The following CNTLN variants were observed in gnomAD, a reference collection of about 807,000 sequenced individuals.
CNTLN encodes centlein, centrosomal protein.
In CNTLN, 212 loss-of-function variants were observed where a neutral mutation model predicts 180.0. The ratio of observed to expected loss-of-function variants is 1.18; its 90% CI spans 1.05 to 1.32. CNTLN has a LOEUF of 1.32. Ranked by LOEUF, CNTLN falls within the 40% of genes most tolerant of loss-of-function variation. The pLI, the probability that CNTLN is intolerant of heterozygous loss-of-function variation, is 0.00. For missense variants in CNTLN, 2,095 were observed against 1,610.9 expected, an observed-to-expected ratio of 1.30 and a Z score of -5.14; for synonymous variants, 722 against 563.1, an observed-to-expected ratio of 1.28 and a Z score of -3.99.
At chr9:17,156,077 C>A (rs940492043) in intron 2 of CNTLN, among the ~76,000 whole-genome samples, 1 of 152,162 alleles carries the variant, frequency 6.6e-6, no homozygotes, top group East Asian at 1.9e-4. Flanking sequence ...TTCAGCGAGT[C>A]CCAATGAGAT....
intron 15 of CNTLN, among the ~76,000 whole-genome samples, chr9:17,400,827 T>A (rs528125828): frequency 4.3e-4 from 66 of 152,262 alleles, no homozygotes; most frequent in African/African-American, 1.4e-3. Flanking sequence ...ATATGAAAAA[T>A]TCTGCAATCA....
downstream of CNTLN, among the ~76,000 whole-genome samples, chr9:17,505,650 G>A (rs1165446961): frequency 6.6e-6 from 1 of 152,022 alleles, no homozygotes; most frequent in African/African-American, 2.4e-5. Context: ...TAATAAATTA[G>A]GAGACATAGT....
chr9:17,155,209 C>T lies in CNTLN; in HGVS notation c.449+11833C>T, dbSNP rs200176731. ...TCTTTAAGAACTGTAACACTCACCG[C>T]GAGGGTCCGCAGCTTCATTCGTGAA... On this transcript the variant is annotated intron_variant, in intron 2 of 25. Coordinates refer to ENST00000380647, the MANE Select transcript of CNTLN (RefSeq NM_017738.4). 2.3e-4 allele frequency among the ~76,000 whole-genome samples: 35 copies of T among 152,296 alleles called. No homozygotes were observed. The East Asian group carries it at 6.2e-3, about 27-fold the overall frequency.
intron 13 of CNTLN, among the ~76,000 whole-genome samples, chr9:17,375,843 C>G (rs1824716139): frequency 6.6e-6 from 1 of 152,106 alleles, no homozygotes; most frequent in South Asian, 2.1e-4. Flanking sequence ...AGGATTATCT[C>G]TTTATTAAAG....
At chr9:17,425,490 T>C (rs1450385346) in intron 18 of CNTLN, among the ~76,000 whole-genome samples, 1 of 152,218 alleles carries the variant, frequency 6.6e-6, no homozygotes, top group Non-Finnish European at 1.5e-5. Context: ...ATTTCTGTTC[T>C]TTTAGCAACC....
At chr9:17,394,449 T>C in intron 14 of CNTLN, 85 bp from the exon 15 acceptor site, 3 of 1,038,528 alleles carry the variant, frequency 2.9e-6, no homozygotes, top group Middle Eastern at 6.4e-4. Context: ...CTAAATGTGA[T>C]TTTTATTTCA....
intron 15 of CNTLN, 55 bp from the exon 16 acceptor site, chr9:17,409,238 G>A: frequency 1.3e-6 from 2 of 1,516,958 alleles, no homozygotes; most frequent in East Asian, 2.3e-5. Flanking sequence ...CTTAAGACAA[G>A]TACATGTAAC....
chr9:17,357,266 G>GA (rs1272296806), intron 12 of CNTLN, among the ~76,000 whole-genome samples: 108 of 97,680 alleles, frequency 1.1e-3, no homozygotes, highest in African/African-American at 3.6e-3. Context: ...TGGATGTTTG[G>GA]GTTTTTTCCA....
chr9:17,341,186 G>T (rs145874107), intron 11 of CNTLN, among the ~76,000 whole-genome samples: 19 of 152,028 alleles, frequency 1.2e-4, no homozygotes, highest in African/African-American at 3.9e-4. Flanking sequence ...ATGAATTATT[G>T]TACACATTTT....
intron 25 of CNTLN, among the ~76,000 whole-genome samples, chr9:17,488,591 A>G (rs550641087): frequency 8.3e-4 from 126 of 152,278 alleles, no homozygotes; most frequent in African/African-American, 2.8e-3. Context: ...CTAAAACTGT[A>G]CTGACACTGG....
chr9:17,236,918 T>C (rs567449551), intron 5 of CNTLN, among the ~76,000 whole-genome samples: 1 of 152,312 alleles, frequency 6.6e-6, no homozygotes, highest in African/African-American at 2.4e-5. Flanking sequence ...ATAGCTATAA[T>C]TTGTTGCAGT....
chr9:17,391,877 T>C (rs897682976), intron 14 of CNTLN, among the ~76,000 whole-genome samples: 4 of 152,110 alleles, frequency 2.6e-5, no homozygotes, highest in African/African-American at 9.7e-5. Context: ...AACTGCAAGA[T>C]GTAGGTATTA....
At chr9:17,290,623 C>T (rs1264863175) in intron 6 of CNTLN, among the ~76,000 whole-genome samples, 1 of 146,540 alleles carries the variant, frequency 6.8e-6, no homozygotes, top group East Asian at 2.0e-4. Context: ...TGCCGCCTTG[C>T]AGTTTGATCT....
At position 17,340,908 on chromosome 9, in the gene CNTLN, G is replaced by C. The variant is rs1037131204; in HGVS notation, c.1726G>C (p.Val576Leu). The change falls in exon 11 of 26, where the codon GTA becomes CTA. Residue 576 changes from valine (V) to leucine (L), a missense_variant. Transcript: ENST00000380647. ...LQMLQTNYRA[V>L]KEQLKQWEEG... ...GATGTTACAGACCAACTACAGAGCAGTAAAAGAGCAATTAAAACAGTGGGA... is the reference window on the plus strand; with the variant it reads ...GATGTTACAGACCAACTACAGAGCACTAAAAGAGCAATTAAAACAGTGGGA... 43 of 1,611,780 alleles carry C rather than the reference G, an allele frequency of 2.7e-5. No homozygotes were observed. Among genetic ancestry groups the C allele is most frequent in the Non-Finnish European group, 3.6e-5 (43 of 1,178,846 alleles).
intron 2 of CNTLN, among the ~76,000 whole-genome samples, chr9:17,176,688 T>C (rs1820737860): frequency 1.3e-5 from 2 of 152,228 alleles, no homozygotes; most frequent in Non-Finnish European, 2.9e-5. Flanking sequence ...TTTGGTGGAA[T>C]TCTTTAGTAA....
intron 2 of CNTLN, among the ~76,000 whole-genome samples, chr9:17,186,875 G>C (rs1821464512): frequency 6.6e-6 from 1 of 151,848 alleles, no homozygotes; most frequent in Non-Finnish European, 1.5e-5. Flanking sequence ...TGCCCTTCCA[G>C]ACTACCTACT....
chr9:17,215,989 C>CT (rs1563890745), intron 2 of CNTLN, among the ~76,000 whole-genome samples: 2 of 152,154 alleles, frequency 1.3e-5, no homozygotes, highest in African/African-American at 4.8e-5. Context: ...TCCCTGACCC[C>CT]TTACACTTCC....
intron 6 of CNTLN, among the ~76,000 whole-genome samples, chr9:17,283,002 C>T (rs750749472): frequency 6.6e-6 from 1 of 152,014 alleles, no homozygotes; most frequent in Non-Finnish European, 1.5e-5. Flanking sequence ...CCTGTAGTAT[C>T]GTTTGAAGTC....
chr9:17,183,230 T>C (rs189399051), intron 2 of CNTLN, among the ~76,000 whole-genome samples: 4 of 152,294 alleles, frequency 2.6e-5, no homozygotes, highest in Admixed American at 2.6e-4. Context: ...TAAACCAAAA[T>C]GTTTTAAAAT....
Sources: gnomAD v4.1 joint callset for allele counts (sites outside exome capture counted in the v4.1 genomes callset) on GRCh38, gnomAD v4.1.1 for gene constraint, MANE v1.5 for transcripts, NCBI Gene and HGNC (gene_info 2026-07-23, HGNC 2026-07-21) for gene names.